Variants in NRAP observed in about 807,000 individuals in gnomAD.
NRAP encodes nebulin-related-anchoring protein.
NRAP carries 189 observed loss-of-function variants against 225.9 expected under a neutral mutation model. The observed-to-expected ratio is 0.84, with a 90% CI of 0.74 to 0.94. NRAP has a LOEUF of 0.94. NRAP is among the 40% of genes least tolerant of loss of function. The pLI is 0.00. For synonymous variants in NRAP, 769 were observed against 790.7 expected (o/e 0.97, Z 0.46); for missense variants, 2,176 against 2,168.7 (o/e 1.00, Z -0.07).
At position 113,663,402 on chromosome 10, in the gene NRAP, C is replaced by T. The variant is rs773668642; in HGVS notation, c.117G>A (p.Met39Ile). Reference protein sequence around the residue: ...ACFHCEVCKMMLSVNNFVSHQ... With the variant: ...ACFHCEVCKMILSVNNFVSHQ... ...GACTCACAAAGTTATTAACAGACAG[C>T]ATCATCTTGCAAACTTCACAGTGAA... is the stretch of plus-strand genomic sequence containing the variant. The change falls in exon 2 of 42, where the codon ATG becomes ATA. Residue 39 changes from methionine (M) to isoleucine (I), a missense_variant. Around this residue, in one of 3 missense-constraint regions of NRAP, gnomAD observed 1,708 missense variants for 1,695.5 expected, o/e 1.01. Coordinates refer to ENST00000359988, the MANE Select transcript of NRAP (RefSeq NM_198060.4). 9.9e-6 allele frequency: 16 copies of T among 1,613,330 alleles called. No individual in the cohort carries two copies. The highest frequency in any genetic ancestry group is 1.4e-5 in the Non-Finnish European group (16 of 1,179,390).
chr10:113,615,122 C>G (rs532883044), intron 27 of NRAP, among the ~76,000 whole-genome samples, 176 bp from the exon 28 acceptor site: 1 of 152,094 alleles, frequency 6.6e-6, no homozygotes, highest in African/African-American at 2.4e-5. Flanking sequence ...TGCCTCGTGC[C>G]CACCTCTTTG....
At chr10:113,660,019 T>C (rs1329804161) in intron 3 of NRAP, among the ~76,000 whole-genome samples, 2 of 149,860 alleles carry the variant, frequency 1.3e-5, no homozygotes, top group Non-Finnish European at 3.0e-5. Flanking sequence ...TTGTCCCTGG[T>C]GGGCAAAAAG....
chr10:113,633,276 TA>T, intron 15 of NRAP, 88 bp from the exon 16 acceptor site: 1 of 748,742 alleles, frequency 1.3e-6, no homozygotes, highest in Non-Finnish European at 2.4e-6. Flanking sequence ...CTTAGACCCA[TA>T]GTTGAGAAGG....
At chr10:113,644,542 G>A (rs1849389526) in intron 11 of NRAP, among the ~76,000 whole-genome samples, 1 of 152,224 alleles carries the variant, frequency 6.6e-6, no homozygotes, top group South Asian at 2.1e-4. Flanking sequence ...CAGGCAGTGG[G>A]CTGGATTTGT....
At chr10:113,643,752 A>G (rs760850202) in intron 11 of NRAP, among the ~76,000 whole-genome samples, 23 of 152,236 alleles carry the variant, frequency 1.5e-4, no homozygotes, top group Non-Finnish European at 3.1e-4. Flanking sequence ...CTGACTAAAC[A>G]TAAGGACGTA....
intron 30 of NRAP, among the ~76,000 whole-genome samples, chr10:113,611,345 T>A (rs1847310719): frequency 6.6e-6 from 1 of 152,198 alleles, no homozygotes; most frequent in Admixed American, 6.5e-5. Context: ...GCCGCTCAGA[T>A]CGCAGGCACT....
intron 36 of NRAP, among the ~76,000 whole-genome samples, chr10:113,597,467 A>G (rs1028665624): frequency 3.3e-5 from 5 of 152,214 alleles, no homozygotes; most frequent in African/African-American, 1.2e-4. Context: ...ATTCAGCATC[A>G]ATGTGGCCCT....
chr10:113,624,987 G>T, intron 21 of NRAP, 57 bp from the exon 22 acceptor site: 1 of 1,042,448 alleles, frequency 9.6e-7, no homozygotes, highest in Non-Finnish European at 1.5e-6. Flanking sequence ...TGGGCAGGGT[G>T]GCATCCCTCA....
rs1027005032 is a variant in NRAP at position 113,620,497 on chromosome 10, GC to G, written c.2874+106del. The G allele has an allele frequency of 2.2e-5, 18 of 809,202 alleles. No homozygotes were observed. The African/African-American group carries it at 2.4e-4, about 11-fold the overall frequency. 50.1% of individuals were successfully genotyped at this position (809,202 alleles called of 1,614,324 possible). ...TCTGGGTTTTGAGGCCTTTCATGTG[GC>G]TTTGCCTTTTTCTTTGCCTTTTGAG... is the stretch of plus-strand genomic sequence containing the variant. On this transcript the variant is annotated intron_variant, in intron 25 of 41. Coordinates refer to ENST00000359988, the MANE Select transcript of NRAP (RefSeq NM_198060.4).
Position 113,646,179 on chromosome 10 carries a change from G to A in NRAP, c.994-238C>T, listed in dbSNP as rs1936182. Among the ~76,000 whole-genome samples, 133,073 of 152,114 alleles carry A rather than the reference G, an allele frequency of 0.87. 58,276 individuals are homozygous for A. The highest frequency in any genetic ancestry group is 0.91 in the East Asian group (4,678 of 5,166). ...TTTATACTTTATACTCTAATTCTGC[G>A]TGGGAAAAAAAAGTCTTAAAATAAT... is the stretch of plus-strand genomic sequence containing the variant. On this transcript the variant is annotated intron_variant, in intron 10 of 41. Transcript: ENST00000359988.
chr10:113,640,050 A>AAC (rs1849107572), intron 14 of NRAP, among the ~76,000 whole-genome samples, 177 bp downstream of exon 14: 2 of 152,224 alleles, frequency 1.3e-5, no homozygotes, highest in African/African-American at 4.8e-5. Flanking sequence ...AGGGTGTGCA[A>AAC]ACATGCATAA....
At chr10:113,661,472 T>C (rs1850672972) in intron 3 of NRAP, among the ~76,000 whole-genome samples, 1 of 151,988 alleles carries the variant, frequency 6.6e-6, no homozygotes, top group Non-Finnish European at 1.5e-5. Context: ...CAGTATGAGG[T>C]GGAGCAACAT....
chr10:113,598,619 C>T (rs753975947), intron 35 of NRAP, among the ~76,000 whole-genome samples: 30 of 152,112 alleles, frequency 2.0e-4, no homozygotes, highest in African/African-American at 7.0e-4. Flanking sequence ...GGCTAAGAGC[C>T]ACTCTTTAAG....
chr10:113,631,988 A>T (rs1388972090), intron 16 of NRAP, 24 bp from the exon 17 acceptor site: 6 of 1,406,414 alleles, frequency 4.3e-6, no homozygotes, highest in Non-Finnish European at 6.1e-6. Context: ...CCACAAGTGA[A>T]TAGGAGTTGC....
intron 10 of NRAP, among the ~76,000 whole-genome samples, chr10:113,646,245 T>A (rs2134126878): frequency 6.6e-6 from 1 of 152,312 alleles, no homozygotes; most frequent in South Asian, 2.1e-4. Flanking sequence ...CTGCCCTTGG[T>A]TTAAACATCA....
intron 13 of NRAP, among the ~76,000 whole-genome samples, chr10:113,640,735 C>T (rs530205236): frequency 2.0e-5 from 3 of 151,972 alleles, no homozygotes; most frequent in East Asian, 1.9e-4. Flanking sequence ...AGAGAAAATC[C>T]GACATTTGTA....
At chr10:113,612,559 C>T (rs1410812012) in intron 29 of NRAP, 128 bp from the exon 30 acceptor site, 2 of 719,136 alleles carry the variant, frequency 2.8e-6, no homozygotes, top group Non-Finnish European at 4.7e-6. Context: ...AGGGCCAGTG[C>T]TCCTTTCTTG....
Position 113,605,787 on chromosome 10 carries a change from C to A in NRAP, c.3890G>T (p.Arg1297Leu), listed in dbSNP as rs762294938. 1.9e-6 allele frequency: 3 copies of A among 1,613,482 alleles called. No homozygotes were observed. The East Asian group carries it at 6.7e-5, about 36-fold the overall frequency. ...ATCACTGGCTATATCTCCAGAGGCC[C>A]GGGCAGCCTGGAAGGGGAGCGCTTC... ...TIEALPFQAA[R>L]ASGDIASDFL... Residue 1297 changes from arginine to leucine, a missense_variant, in exon 34 of 42, where the codon CGG (arginine) becomes CTG (leucine). Around this residue, in one of 3 missense-constraint regions of NRAP, gnomAD observed 1,708 missense variants for 1,695.5 expected, o/e 1.01. Transcript: ENST00000359988.
In NRAP at chr10:113,588,740, A is replaced by C; in HGVS notation, c.*235T>G. ...CAGCGGGAACCACCATCACATCTTT[A>C]TTCCTCAGCCCAGACACTCGAGGCA... On this transcript the variant is annotated 3_prime_UTR_variant, in exon 42 of 42. Coordinates refer to ENST00000359988, the MANE Select transcript of NRAP (RefSeq NM_198060.4). 1 of 558,630 alleles carries C rather than the reference A, an allele frequency of 1.8e-6. No individual in the cohort carries two copies. The highest frequency in any genetic ancestry group is 2.9e-5 in the East Asian group (1 of 34,580). 34.6% of individuals were successfully genotyped at this position (558,630 alleles called of 1,614,324 possible).
Sources: allele counts gnomAD v4.1 joint callset (sites outside exome capture counted in the v4.1 genomes callset), GRCh38; gene constraint gnomAD v4.1.1; regional missense constraint gnomAD v4.1.1; transcripts MANE v1.5; gene names NCBI Gene and HGNC (gene_info 2026-07-23, HGNC 2026-07-21).